Variants in CFAP65 observed in about 807,000 individuals in gnomAD.
CFAP65 encodes the protein cilia and flagella associated protein 65.
CFAP65 carries 155 observed loss-of-function variants against 208.0 expected under a neutral mutation model. That is an observed-to-expected ratio of 0.75 (90% CI 0.65 to 0.85). CFAP65 has a LOEUF of 0.85. Among genes scored for constraint, CFAP65 ranks in the 40% least tolerant of loss-of-function variants. The pLI is 0.00. For missense variants in CFAP65, 2,294 were observed against 2,451.3 expected (o/e 0.94, Z 1.36); for synonymous variants, 970 against 986.3 (o/e 0.98, Z 0.31).
rs1269186179 is a variant in CFAP65, at chr2:219,005,564, T to C, written c.4923-2A>G. The C allele has an allele frequency of 1.9e-6, 3 of 1,610,920 alleles. No individual in the cohort carries two copies. The African/African-American group carries it at 4.0e-5, about 22-fold the overall frequency. On this transcript the variant is annotated splice_acceptor_variant, in intron 31 of 34. Transcript: ENST00000341552. LOFTEE classifies it high-confidence loss of function. ...GGGGCCTTCCTCTTTGGCAGCTCCC[T>C]GTGGCAGCCATGACATTCTGAGTGG...
In CFAP65 at chr2:219,019,084, G is replaced by A. The variant is rs1203171330; in HGVS notation, c.3569C>T (p.Ala1190Val). ...FKAPPSVVFL[A>V]LKNSGVVSLD... ...GGACACCACTCCGCTGTTCTTCAGG[G>A]CCAGGAATACCACGGAAGGTGGGGC... is the stretch of plus-strand genomic sequence containing the variant. The change falls in exon 21 of 35, where the codon GCC (alanine) becomes GTC (valine). Residue 1190 changes from alanine to valine, a missense_variant. Physicochemically the swap from Ala to Val is moderately conservative, Grantham distance 64 (BLOSUM62 0). Transcript: ENST00000341552. The A allele has an allele frequency of 1.9e-6, 3 of 1,614,228 alleles. No homozygotes were observed. The highest frequency in any genetic ancestry group is 2.5e-6 in the Non-Finnish European group (3 of 1,180,036).
chr2:219,020,531 C>G (rs1256484048), intron 19 of CFAP65, among the ~76,000 whole-genome samples: 1 of 152,108 alleles, frequency 6.6e-6, no homozygotes, highest in African/African-American at 2.4e-5. Context: ...CAGGTGCATG[C>G]TACCACACCC....
intron 13 of CFAP65, chr2:219,026,634 G>T: frequency 1.0e-5 from 2 of 199,196 alleles, no homozygotes; most frequent in Non-Finnish European, 1.8e-5. Flanking sequence ...TAGTAACGAG[G>T]TATTTTACAT....
In CFAP65 at chr2:219,012,415, C is replaced by T. The variant is rs148192685; in HGVS notation, c.3957+844G>A. ...ACTGTCACAGACCCTAGTGGGGCTG[C>T]TGGGAAGGCAGAGGGGTAGCGGGTG... On this transcript the variant is annotated intron_variant, in intron 24 of 34. Coordinates refer to ENST00000341552, the MANE Select transcript of CFAP65 (RefSeq NM_194302.4). Among the ~76,000 whole-genome samples, 328 of 152,280 alleles carry T rather than the reference C, an allele frequency of 2.2e-3. 3 individuals carry two copies. The highest frequency in any genetic ancestry group is 6.9e-3 in the East Asian group (36 of 5,182).
chr2:219,029,287 G>C, intron 11 of CFAP65, 116 bp downstream of exon 11: 4 of 1,351,112 alleles, frequency 3.0e-6, no homozygotes, highest in Non-Finnish European at 4.0e-6. Context: ...GAGACCACCA[G>C]GCAGACAGCC....
intron 24 of CFAP65, among the ~76,000 whole-genome samples, chr2:219,012,320 T>C (rs998867566): frequency 1.4e-4 from 22 of 152,362 alleles, no homozygotes; most frequent in African/African-American, 4.6e-4. Context: ...TTCTAAAGCC[T>C]ATTCCTGCTC....
rs187521129 is a variant in CFAP65 at position 219,030,189 on chromosome 2, A to G, written c.1181T>C (p.Ile394Thr). 6.0e-5 allele frequency: 97 copies of G among 1,614,056 alleles called. No homozygotes were observed. Among genetic ancestry groups the G allele is most frequent in the Middle Eastern group, 1.6e-4 (1 of 6,062 alleles). Reference sequence around the variant, plus strand: ...GGCCAGTTCATCCGGGGAAATTTCAATCCTGAAGGGGGCATTTACCTGTGT... The same window carrying G: ...GGCCAGTTCATCCGGGGAAATTTCAGTCCTGAAGGGGGCATTTACCTGTGT... ...NPSAVNAPFR[I>T]EISPDELAED... Residue 394 changes from isoleucine (I) to threonine (T), a missense_variant, in exon 10 of 35, where the codon ATT becomes ACT. By Grantham distance (89) the Ile-to-Thr change is moderately conservative. Transcript: ENST00000341552.
rs540477244 is a variant in CFAP65 at position 219,032,331 on chromosome 2, G to A, written c.645+139C>T. 617 of 662,604 alleles carry A rather than the reference G, an allele frequency of 9.3e-4. 2 individuals are homozygous for A. Among genetic ancestry groups the A allele is most frequent in the Non-Finnish European group, 1.4e-3 (557 of 393,578 alleles). 41.0% of individuals were successfully genotyped at this position (662,604 alleles called of 1,614,324 possible). A position where few individuals can be genotyped will look rare whatever the true frequency, so the allele number is the denominator to read the frequency against. The stretch of plus-strand genomic sequence containing the variant: ...GATGAGGGGCTAAGCCCTTGACGGG[G>A]CCTCCCAAGCTGGATTGCTGCTGGA... On this transcript the variant is annotated intron_variant, in intron 6 of 34. Transcript: ENST00000341552. The surrounding 1 kb of genome is among the most constrained non-coding windows in gnomAD (Gnocchi z 5.5).
chr2:219,023,305 G>T lies in CFAP65; in HGVS notation c.2722C>A (p.Arg908Ser). The change falls in exon 16 of 35, where the codon CGT becomes AGT. Residue 908 changes from arginine (R) to serine (S), a missense_variant. Coordinates refer to ENST00000341552, the MANE Select transcript of CFAP65 (RefSeq NM_194302.4). ...CTCCACTCGAACTGCAGGGGCAGAC[G>T]CGAGGGGTTGCGGAAGGTGAAGGGG... is the stretch of plus-strand genomic sequence containing the variant. Reference protein sequence around the residue: ...TSPFTFRNPSRLPLQFEWRVS... With the variant: ...TSPFTFRNPSSLPLQFEWRVS... 3.7e-6 allele frequency: 6 copies of T among 1,613,230 alleles called. No homozygotes were observed. Among genetic ancestry groups the T allele is most frequent in the African/African-American group, 1.3e-5 (1 of 75,062 alleles).
At chr2:219,005,615 TG>T (rs917922864) in intron 31 of CFAP65, 53 bp from the exon 32 acceptor site, 2 of 1,602,798 alleles carry the variant, frequency 1.2e-6, no homozygotes, top group African/African-American at 2.7e-5. Context: ...ATGCTGGGGT[TG>T]GGGGCACAAG....
chr2:219,026,214 G>A (rs1947622585), intron 13 of CFAP65, 55 bp from the exon 14 acceptor site: 1 of 1,575,842 alleles, frequency 6.3e-7, no homozygotes, highest in Non-Finnish European at 8.7e-7. Flanking sequence ...TGCCCTGTGG[G>A]GCACCCCATT....
intron 21 of CFAP65, chr2:219,018,738 G>A (rs990239226): frequency 4.1e-5 from 14 of 341,326 alleles, no homozygotes; most frequent in African/African-American, 8.3e-5. Flanking sequence ...CTTGTAAAGC[G>A]CAGGTCCTGG....
intron 1 of CFAP65, 42 bp from the exon 2 acceptor site, chr2:219,040,606 G>A: frequency 6.4e-7 from 1 of 1,552,236 alleles, no homozygotes; most frequent in Non-Finnish European, 8.7e-7. Context: ...TCTGCCACGG[G>A]ATGGTCTTGC....
At chr2:219,014,240 C>T in intron 21 of CFAP65, 196 bp from the exon 22 acceptor site, 2 of 469,260 alleles carry the variant, frequency 4.3e-6, no homozygotes. Context: ...GCCCCAAAAC[C>T]CAGGAACAGA....
Position 219,004,482 on chromosome 2 carries a change from C to T in CFAP65, c.5052-27G>A, listed in dbSNP as rs1471839645. The T allele has an allele frequency of 6.3e-7, 1 of 1,576,760 alleles. No individual in the cohort carries two copies. The highest frequency in any genetic ancestry group is 8.6e-7 in the Non-Finnish European group (1 of 1,162,966). On this transcript the variant is annotated intron_variant, in intron 32 of 34. Transcript: ENST00000341552. This position sits in a 1 kb window ranked among gnomAD's most constrained non-coding sequence, Gnocchi z 4.7. ...TAGGTGGCAGGGAGAAGGAGAAGGC[C>T]CTTGCTGAGGGGCCCTGAAGCCCCT... is the stretch of plus-strand genomic sequence containing the variant.
At chr2:219,011,875 C>T (rs1946511323) in intron 24 of CFAP65, among the ~76,000 whole-genome samples, 1 of 152,234 alleles carries the variant, frequency 6.6e-6, no homozygotes, top group South Asian at 2.1e-4. Context: ...ATGCTTGTGT[C>T]CCCACAAAAT....
intron 27 of CFAP65, 110 bp downstream of exon 27, chr2:219,009,832 G>A (rs1277425286): frequency 1.1e-6 from 1 of 934,734 alleles, no homozygotes; most frequent in East Asian, 3.0e-5. Context: ...GGGATGGGAT[G>A]GGGTTTGTGG....
At chr2:219,018,922 A>G in intron 21 of CFAP65, 129 bp downstream of exon 21, 3 of 1,291,350 alleles carry the variant, frequency 2.3e-6, no homozygotes, top group South Asian at 1.4e-5. Context: ...ACAGCCGTCA[A>G]TGTGAGGTCC....
chr2:219,033,834 T>C (rs1948196568), intron 5 of CFAP65: 1 of 151,852 alleles, frequency 6.6e-6, no homozygotes, highest in Non-Finnish European at 1.5e-5. Context: ...GAAAAAAAAA[T>C]GTCATTTTCC....
Sources: gnomAD v4.1 joint callset for allele counts (sites outside exome capture counted in the v4.1 genomes callset) on GRCh38, gnomAD v4.1.1 for gene constraint, Gnocchi (gnomAD v3.1) non-coding constraint, MANE v1.5 for transcripts, NCBI Gene and HGNC (gene_info 2026-07-23, HGNC 2026-07-21) for gene names.